Variants in DENND1A observed in about 807,000 individuals in gnomAD.
The protein encoded by DENND1A is DENN domain containing 1A.
A neutral mutation model predicts 113.7 loss-of-function variants in DENND1A; 51 were observed. That is an observed-to-expected ratio of 0.45 (90% confidence interval 0.36 to 0.57). The LOEUF (loss-of-function observed/expected upper bound fraction) is 0.57. Ranked by LOEUF, DENND1A falls within the 20% of genes least tolerant of loss-of-function variation. DENND1A has a pLI of 0.00. For missense variants in DENND1A, 1,258 were observed against 1,395.9 expected (o/e 0.90, Z 1.57); for synonymous variants, 565 against 570.8 (o/e 0.99, Z 0.14).
chr9:123,647,335 CA>C (rs2062392557), intron 9 of DENND1A, among the ~76,000 whole-genome samples: 1 of 152,206 alleles, frequency 6.6e-6, no homozygotes. Flanking sequence ...TGTTGGCACA[CA>C]ATCATACACT....
chr9:123,456,278 C>T (rs1294079950), intron 15 of DENND1A, among the ~76,000 whole-genome samples: 1 of 152,118 alleles, frequency 6.6e-6, no homozygotes, highest in Non-Finnish European at 1.5e-5. Context: ...CATGGGCACA[C>T]ACCCAGCAAT....
rs763588791 is a variant in DENND1A at position 123,732,476 on chromosome 9, T to C, written c.302+25227A>G. On this transcript the variant is annotated intron_variant, in intron 5 of 23. Coordinates refer to ENST00000394215, the MANE Select transcript of DENND1A (RefSeq NM_001352964.2). ...ATATGATTACATTTTTGTGACACTG[T>C]GGAAAAGGTAAAACTATAGAGACGG... Among the ~76,000 whole-genome samples, 10 of 152,076 alleles carry C rather than the reference T, an allele frequency of 6.6e-5. 1 individual carries two copies. Among genetic ancestry groups the C allele is most frequent in the Non-Finnish European group, 1.5e-4 (10 of 68,022 alleles).
chr9:123,817,024 CA>C (rs1039796695), intron 2 of DENND1A, among the ~76,000 whole-genome samples: 6 of 152,114 alleles, frequency 3.9e-5, no homozygotes, highest in Non-Finnish European at 7.4e-5. Flanking sequence ...TACTTCCTGG[CA>C]GAATTCCATG....
At chr9:123,563,919 C>T (rs1056846394) in intron 12 of DENND1A, among the ~76,000 whole-genome samples, 5 of 152,274 alleles carry the variant, frequency 3.3e-5, no homozygotes, top group Admixed American at 2.0e-4. Context: ...AAATACAAGC[C>T]TCCAACTTTC....
chr9:123,516,803 G>C (rs1341907424), intron 13 of DENND1A, among the ~76,000 whole-genome samples: 3 of 147,088 alleles, frequency 2.0e-5, no homozygotes, highest in Non-Finnish European at 4.4e-5. Context: ...AGAATCACTT[G>C]AACCCGGGAG....
intron 19 of DENND1A, among the ~76,000 whole-genome samples, chr9:123,435,736 A>G (rs2132221031): frequency 6.6e-6 from 1 of 152,324 alleles, no homozygotes; most frequent in South Asian, 2.1e-4. Context: ...CTGAACTCAC[A>G]CAATCAGGCC....
intron 1 of DENND1A, among the ~76,000 whole-genome samples, chr9:123,904,610 G>A (rs1218296770): frequency 6.7e-6 from 1 of 149,738 alleles, no homozygotes; most frequent in Non-Finnish European, 1.5e-5. Flanking sequence ...CTGGAAGAAA[G>A]GGTATCAGCA....
intron 13 of DENND1A, among the ~76,000 whole-genome samples, chr9:123,542,929 A>G (rs770757270): frequency 6.6e-6 from 1 of 152,198 alleles, no homozygotes; most frequent in Non-Finnish European, 1.5e-5. Flanking sequence ...AAACAATGAA[A>G]GTAGTCTCTG....
At chr9:123,415,949 T>C (rs2044693809) in intron 19 of DENND1A, among the ~76,000 whole-genome samples, 1 of 150,284 alleles carries the variant, frequency 6.7e-6, no homozygotes, top group African/African-American at 2.5e-5. Flanking sequence ...CTGTAGGAGG[T>C]GAGTAGTAGT....
intron 11 of DENND1A, among the ~76,000 whole-genome samples, chr9:123,588,204 G>T (rs2059275034): frequency 6.6e-6 from 1 of 150,420 alleles, no homozygotes; most frequent in African/African-American, 2.5e-5. Flanking sequence ...GAACCTGGGA[G>T]GTGGAGGTTG....
At chr9:123,851,485 G>A (rs529813007) in intron 2 of DENND1A, among the ~76,000 whole-genome samples, 1 of 152,142 alleles carries the variant, frequency 6.6e-6, no homozygotes, top group African/African-American at 2.4e-5. Flanking sequence ...TCAAATCCAG[G>A]GTACTCTTAG....
chr9:123,827,438 C>T (rs920175020), intron 2 of DENND1A, among the ~76,000 whole-genome samples: 2 of 149,634 alleles, frequency 1.3e-5, no homozygotes, highest in Non-Finnish European at 3.0e-5. Flanking sequence ...ACACCTGACC[C>T]TGGGAGGTCG....
chr9:123,752,565 A>G (rs1167952441), intron 5 of DENND1A, among the ~76,000 whole-genome samples: 1 of 152,202 alleles, frequency 6.6e-6, no homozygotes, highest in African/African-American at 2.4e-5. Context: ...ATTGTATGAC[A>G]TATCTCCCCA....
intron 19 of DENND1A, chr9:123,439,736 A>T (rs1037449596): frequency 1.3e-5 from 2 of 152,208 alleles, no homozygotes; most frequent in Admixed American, 6.5e-5. Flanking sequence ...ATCTTTTTTA[A>T]CCAAAAATAT....
rs558341027 is a variant in DENND1A, at chr9:123,613,496, A to G, written c.720-4015T>C. On this transcript the variant is annotated intron_variant, in intron 10 of 23. Transcript: ENST00000394215. ...AGTGATCTTCCTGTTTAGGTTCAAG[A>G]AAGAACTTATTTGTTGCTGTTCTAG... 5.9e-5 allele frequency among the ~76,000 whole-genome samples: 9 copies of G among 152,364 alleles called. No homozygotes were observed. In the South Asian group the frequency reaches 1.2e-3, roughly 21 times the overall value.
chr9:123,603,646 T>A (rs1376885796), intron 11 of DENND1A, among the ~76,000 whole-genome samples: 1 of 152,150 alleles, frequency 6.6e-6, no homozygotes, highest in East Asian at 1.9e-4. Context: ...GGTCCCTGGG[T>A]CTCACTCCCC....
intron 5 of DENND1A, among the ~76,000 whole-genome samples, chr9:123,678,568 C>G (rs1164210469): frequency 2.6e-5 from 4 of 152,176 alleles, no homozygotes; most frequent in South Asian, 2.1e-4. Flanking sequence ...AATCAGCACC[C>G]TGTACAGATT....
At chr9:123,538,031 C>T (rs2055924128) in intron 13 of DENND1A, among the ~76,000 whole-genome samples, 2 of 152,188 alleles carry the variant, frequency 1.3e-5, no homozygotes, top group South Asian at 4.1e-4. Flanking sequence ...TGGCTGCATG[C>T]TCTAGCAATG....
intron 9 of DENND1A, 142 bp downstream of exon 9, chr9:123,651,871 T>C: frequency 1.8e-6 from 1 of 547,178 alleles, no homozygotes; most frequent in Non-Finnish European, 3.0e-6. Context: ...AAAAAAAAAA[T>C]GAACAATTAA....
Sources: gnomAD v4.1 joint callset for allele counts (sites outside exome capture counted in the v4.1 genomes callset) on GRCh38, gnomAD v4.1.1 for gene constraint, MANE v1.5 for transcripts, NCBI Gene and HGNC (gene_info 2026-07-23, HGNC 2026-07-21) for gene names.